PTPRM: variants seen among roughly 807,000 people sequenced by gnomAD.
PTPRM encodes the protein receptor-type tyrosine-protein phosphatase mu.
Under a neutral mutation model 186.7 loss-of-function variants are expected in PTPRM, and 47 were observed. The ratio of observed to expected loss-of-function variants is 0.25; its 90% CI spans 0.20 to 0.32. The LOEUF (loss-of-function observed/expected upper bound fraction) is 0.32. PTPRM is among the 10% of genes least tolerant of loss of function. The probability of loss-of-function intolerance (pLI) is 1.00; values close to 1 mark genes in which losing one functional copy is unlikely to be tolerated. For missense variants in PTPRM, 1,494 were observed against 1,865.0 expected (o/e 0.80, Z 3.66); for synonymous variants, 668 against 674.9 (o/e 0.99, Z 0.16).
At chr18:8,009,343 T>C (rs1242819900) in intron 7 of PTPRM, among the ~76,000 whole-genome samples, 1 of 150,946 alleles carries the variant, frequency 6.6e-6, no homozygotes, top group East Asian at 1.9e-4. Flanking sequence ...TTTTTTACCC[T>C]GAAAGCCTGA....
At chr18:7,580,044 A>G (rs1431598596) in intron 1 of PTPRM, among the ~76,000 whole-genome samples, 1 of 152,226 alleles carries the variant, frequency 6.6e-6, no homozygotes, top group African/African-American at 2.4e-5. Flanking sequence ...TCATTAAGTT[A>G]TCTTAAATAT....
chr18:7,829,442 T>C (rs2045652872), intron 2 of PTPRM, among the ~76,000 whole-genome samples: 1 of 152,182 alleles, frequency 6.6e-6, no homozygotes, highest in Non-Finnish European at 1.5e-5. Flanking sequence ...AAAACTAGAT[T>C]ACTAACTTAA....
chr18:8,113,871 T>C, intron 12 of PTPRM, 112 bp downstream of exon 12: 2 of 1,098,804 alleles, frequency 1.8e-6, no homozygotes, highest in Non-Finnish European at 1.3e-6. Flanking sequence ...TTTCTACTTG[T>C]AAACAAATGT....
intron 1 of PTPRM, among the ~76,000 whole-genome samples, chr18:7,651,287 C>T (rs1439435368): frequency 6.6e-6 from 1 of 152,088 alleles, no homozygotes; most frequent in African/African-American, 2.4e-5. Context: ...AAAAGCTTGA[C>T]TGATGAAAGA....
chr18:7,681,178 T>C (rs1338274295), intron 1 of PTPRM, among the ~76,000 whole-genome samples: 1 of 151,740 alleles, frequency 6.6e-6, no homozygotes, highest in Admixed American at 6.6e-5. Flanking sequence ...TATTTTAATA[T>C]GAATCTCGGA....
intron 14 of PTPRM, among the ~76,000 whole-genome samples, chr18:8,160,073 A>C (rs2146330625): frequency 6.6e-6 from 1 of 152,292 alleles, no homozygotes; most frequent in Admixed American, 6.5e-5. Context: ...TTAATTCAAA[A>C]GAAAAATGGG....
intron 1 of PTPRM, among the ~76,000 whole-genome samples, chr18:7,706,964 G>A (rs2040107622): frequency 6.6e-6 from 1 of 152,086 alleles, no homozygotes; most frequent in South Asian, 2.1e-4. Flanking sequence ...CAGATTGGGG[G>A]ATAGGGGTGA....
chr18:8,323,396 C>T (rs112563940), intron 22 of PTPRM, among the ~76,000 whole-genome samples: 209 of 152,286 alleles, frequency 1.4e-3, no homozygotes, highest in African/African-American at 4.7e-3. Context: ...GATCCAGCCC[C>T]TGCTTTCTAA....
chr18:7,898,063 A>G (rs2049459669), intron 3 of PTPRM, among the ~76,000 whole-genome samples: 1 of 152,188 alleles, frequency 6.6e-6, no homozygotes, highest in African/African-American at 2.4e-5. Flanking sequence ...ACAAACACAA[A>G]TGCTTGAATA....
chr18:8,174,703 A>C (rs2146504391), intron 14 of PTPRM, among the ~76,000 whole-genome samples: 1 of 152,266 alleles, frequency 6.6e-6, no homozygotes, highest in Middle Eastern at 3.4e-3. Flanking sequence ...TTTTAAAAAA[A>C]ATCTTTGTCA....
At chr18:7,717,028 T>C (rs938312028) in intron 1 of PTPRM, among the ~76,000 whole-genome samples, 1 of 152,168 alleles carries the variant, frequency 6.6e-6, no homozygotes, top group Admixed American at 6.5e-5. Flanking sequence ...CATATGTTTA[T>C]TGCAGCACTG....
At chr18:8,045,720 G>T (rs981094306) in intron 7 of PTPRM, among the ~76,000 whole-genome samples, 1 of 152,116 alleles carries the variant, frequency 6.6e-6, no homozygotes, top group Non-Finnish European at 1.5e-5. Context: ...TCTCTTTTTG[G>T]AAATGTTCCA....
chr18:8,390,068 G>A (rs1489268278), intron 31 of PTPRM, among the ~76,000 whole-genome samples: 1 of 152,220 alleles, frequency 6.6e-6, no homozygotes, highest in Non-Finnish European at 1.5e-5. Context: ...AAAGTATTAG[G>A]TGCAAAGCTG....
intron 7 of PTPRM, among the ~76,000 whole-genome samples, chr18:7,986,051 A>G (rs947346582): frequency 2.6e-5 from 4 of 152,304 alleles, no homozygotes; most frequent in Admixed American, 2.0e-4. Context: ...CTTTGTCTCA[A>G]AATTATGCTT....
chr18:8,392,383 G>C (rs1039292278), intron 31 of PTPRM, among the ~76,000 whole-genome samples: 1 of 152,160 alleles, frequency 6.6e-6, no homozygotes, highest in Admixed American at 6.5e-5. Context: ...CCAGCACTTT[G>C]GGAGGCCGGG....
intron 14 of PTPRM, among the ~76,000 whole-genome samples, chr18:8,168,920 C>T (rs1033179533): frequency 1.3e-4 from 20 of 152,146 alleles, no homozygotes; most frequent in South Asian, 2.1e-4. Context: ...TTTATGAAGA[C>T]GAGTTTTTGC....
chr18:7,598,076 A>T (rs1346124082), intron 1 of PTPRM, among the ~76,000 whole-genome samples: 2 of 152,234 alleles, frequency 1.3e-5, no homozygotes, highest in Admixed American at 1.3e-4. Flanking sequence ...ATAAATTTAG[A>T]TCATATTTGT....
At chr18:8,343,319 AG>A (rs1343864681) in intron 22 of PTPRM, 103 bp from the exon 23 acceptor site, 2 of 852,876 alleles carry the variant, frequency 2.3e-6, no homozygotes, top group African/African-American at 3.4e-5. Flanking sequence ...TGTACAAGTG[AG>A]GGAACTGCAT....
In PTPRM at chr18:8,275,527, G is replaced by A. The variant is rs896748623; in HGVS notation, c.2755-20841G>A. On this transcript the variant is annotated intron_variant, in intron 19 of 32. Coordinates refer to ENST00000580170, the MANE Select transcript of PTPRM (RefSeq NM_001105244.2). ...AGGTAGGTAAAGAGATTTTTCTGCT[G>A]TTTGAGGCATGAATGCGGTCAGAAA... 3.9e-5 allele frequency among the ~76,000 whole-genome samples: 6 copies of A among 152,290 alleles called. No homozygotes were observed. The East Asian group carries it at 9.6e-4, about 24-fold the overall frequency.
Sources: allele counts gnomAD v4.1 joint callset (sites outside exome capture counted in the v4.1 genomes callset), GRCh38; gene constraint gnomAD v4.1.1; transcripts MANE v1.5; gene names NCBI Gene and HGNC (gene_info 2026-07-23, HGNC 2026-07-21).